MYPN: variants seen among roughly 807,000 people sequenced by gnomAD.
The protein encoded by MYPN is myopalladin, also known as sarcomeric protein myopalladin, 145 kDa (MYOP).
MYPN carries 63 observed loss-of-function variants against 129.4 expected under a neutral mutation model. The ratio of observed to expected loss-of-function variants is 0.49; its 90% confidence interval spans 0.40 to 0.60. The LOEUF is 0.60. MYPN is among the 20% of genes least tolerant of loss of function. The pLI, the probability that MYPN is intolerant of heterozygous loss-of-function variation, is 0.00. For missense variants in MYPN, 1,596 were observed against 1,635.4 expected, an observed-to-expected ratio of 0.98 and a Z score of 0.42; for synonymous variants, 629 against 600.9, an observed-to-expected ratio of 1.05 and a Z score of -0.68.
intron 6 of MYPN, 149 bp from the exon 7 acceptor site, chr10:68,158,337 A>G: frequency 1.3e-6 from 1 of 747,036 alleles, no homozygotes; most frequent in South Asian, 1.8e-5. Context: ...TTGAATGCAC[A>G]TCCACAGAAC....
intron 2 of MYPN, among the ~76,000 whole-genome samples, chr10:68,139,102 C>T (rs1486484424): frequency 6.6e-6 from 1 of 152,132 alleles, no homozygotes; most frequent in Admixed American, 6.5e-5. Context: ...CAACATGGAG[C>T]AGCTGCTGGC....
chr10:68,191,631 G>A (rs562050299), intron 13 of MYPN, among the ~76,000 whole-genome samples: 13 of 152,226 alleles, frequency 8.5e-5, no homozygotes, highest in East Asian at 3.9e-4. Context: ...CTTCCAATTC[G>A]TGAACGTGGG....
chr10:68,204,469 C>G (rs1044155913), intron 18 of MYPN, among the ~76,000 whole-genome samples: 2 of 152,116 alleles, frequency 1.3e-5, no homozygotes, highest in Non-Finnish European at 2.9e-5. Flanking sequence ...CGCCTGTAAT[C>G]CCAGCACTTT....
chr10:68,198,277 G>C (rs2043644770), intron 16 of MYPN, among the ~76,000 whole-genome samples: 1 of 152,170 alleles, frequency 6.6e-6, no homozygotes, highest in African/African-American at 2.4e-5. Flanking sequence ...AAAATTTATA[G>C]ACATGAAAAT....
chr10:68,126,480 C>T (rs1425256371), intron 2 of MYPN, among the ~76,000 whole-genome samples: 1 of 152,082 alleles, frequency 6.6e-6, no homozygotes, highest in Non-Finnish European at 1.5e-5. Context: ...ATAAGTCACA[C>T]CTGGAAAAAA....
At chr10:68,106,647 G>A (rs778958815), upstream of MYPN, 1 of 708,474 alleles carries the variant, frequency 1.4e-6, no homozygotes, top group South Asian at 1.5e-5. Flanking sequence ...TTGTTTTAGA[G>A]AACTGGAGCC....
At chr10:68,178,982 T>C (rs2043272210) in intron 12 of MYPN, among the ~76,000 whole-genome samples, 1 of 152,084 alleles carries the variant, frequency 6.6e-6, no homozygotes, top group Non-Finnish European at 1.5e-5. Flanking sequence ...CTTTTTATTA[T>C]TATTATTAAT....
Sources: gnomAD v4.1 joint callset for allele counts (sites outside exome capture counted in the v4.1 genomes callset) on GRCh38, gnomAD v4.1.1 for gene constraint, MANE v1.5 for transcripts, NCBI Gene and HGNC (gene_info 2026-07-23, HGNC 2026-07-21) for gene names.